The following TBX5 variants were observed in gnomAD, a reference collection of about 807,000 sequenced individuals.
The protein encoded by TBX5 is T-box transcription factor TBX5.
TBX5 carries 8 observed loss-of-function variants against 51.1 expected under a neutral mutation model. The observed-to-expected ratio is 0.16, with a 90% CI of 0.09 to 0.28. The LOEUF (loss-of-function observed/expected upper bound fraction) is 0.28, where lower values mean the gene tolerates loss of function less well. Ranked by LOEUF, TBX5 falls within the 10% of genes least tolerant of loss-of-function variation. TBX5 has a pLI of 1.00. For missense variants in TBX5, 589 were observed against 671.7 expected, an observed-to-expected ratio of 0.88 and a Z score of 1.36; for synonymous variants, 302 against 266.4, an observed-to-expected ratio of 1.13 and a Z score of -1.30.
chr12:114,406,961 A>G (rs1872270056), upstream of TBX5: 1 of 727,132 alleles, frequency 1.4e-6, no homozygotes, highest in Non-Finnish European at 1.7e-6. Context: ...GCTTGGAGTA[A>G]ATGTCAGGAG....
intron 7 of TBX5, among the ~76,000 whole-genome samples, chr12:114,372,079 A>G (rs542982706): frequency 1.3e-5 from 2 of 152,264 alleles, no homozygotes; most frequent in South Asian, 4.2e-4. Context: ...GCATGGAATA[A>G]CAGACATTGG....
At chr12:114,356,617 A>C (rs1042065957) in intron 8 of TBX5, among the ~76,000 whole-genome samples, 1 of 152,178 alleles carries the variant, frequency 6.6e-6, no homozygotes, top group Non-Finnish European at 1.5e-5. Context: ...CCAGCATGTA[A>C]ATTTCATAAA....
upstream of TBX5, among the ~76,000 whole-genome samples, chr12:114,407,438 G>C (rs528969021): frequency 3.7e-4 from 57 of 152,306 alleles, 1 homozygote; most frequent in South Asian, 6.8e-3. Context: ...CCAGTAGAGG[G>C]AAAGGGAAAT....
intron 8 of TBX5, among the ~76,000 whole-genome samples, chr12:114,358,800 TG>T (rs1869067564): frequency 6.6e-6 from 1 of 152,030 alleles, no homozygotes; most frequent in Non-Finnish European, 1.5e-5. Flanking sequence ...TTTGTTTGTT[TG>T]TTTGTTTGGA....
chr12:114,365,983 G>A (rs1461068232), intron 8 of TBX5, 182 bp downstream of exon 8: 3 of 738,892 alleles, frequency 4.1e-6, no homozygotes, highest in Non-Finnish European at 7.0e-6. Flanking sequence ...GTAGGAACAT[G>A]TCAAGGGAAC....
At position 114,405,728 on chromosome 12, in the gene TBX5, T is replaced by C; in HGVS notation, c.-139A>G. 3.0e-6 allele frequency: 3 copies of C among 985,598 alleles called. No homozygotes were observed. Among genetic ancestry groups the C allele is most frequent in the Non-Finnish European group, 3.6e-6 (3 of 830,082 alleles). 61.1% of individuals were successfully genotyped at this position (985,598 alleles called of 1,614,324 possible). ...GCAGGCATGGTGGCTCCGGGGTTTA[T>C]GCGGGGTTTACTGCTTACCCAGAAT... On this transcript the variant is annotated 5_prime_UTR_variant, in exon 1 of 9. Coordinates refer to ENST00000405440, the MANE Select transcript of TBX5 (RefSeq NM_181486.4).
At chr12:114,377,574 T>TA (rs1238245118) in intron 7 of TBX5, among the ~76,000 whole-genome samples, 2 of 148,758 alleles carry the variant, frequency 1.3e-5, no homozygotes, top group Non-Finnish European at 3.0e-5. Context: ...TTTTTTTTTT[T>TA]ATCTTTTTCT....
At chr12:114,367,795 T>C (rs565403846) in intron 7 of TBX5, among the ~76,000 whole-genome samples, 34 of 152,352 alleles carry the variant, frequency 2.2e-4, no homozygotes, top group African/African-American at 7.7e-4. Flanking sequence ...ATCTTGGGCA[T>C]GGCATTTACA....
intron 6 of TBX5, 120 bp downstream of exon 6, chr12:114,394,621 G>A: frequency 2.2e-6 from 3 of 1,354,480 alleles, no homozygotes; most frequent in Middle Eastern, 2.4e-4. Context: ...AGCACCCTGG[G>A]GTCGAAGTTG....
intron 7 of TBX5, 47 bp from the exon 8 acceptor site, chr12:114,366,438 A>G (rs757507401): frequency 6.3e-7 from 1 of 1,580,800 alleles, no homozygotes; most frequent in East Asian, 2.2e-5. Context: ...GCCCTGATAC[A>G]GATTTCCTGA....
At chr12:114,389,753 C>CAAAAAAAAAAA (rs55649814) in intron 6 of TBX5, among the ~76,000 whole-genome samples, 3 of 40,274 alleles carry the variant, frequency 7.4e-5, no homozygotes, top group African/African-American at 9.2e-5. Flanking sequence ...GACTCCGTCT[C>CAAAAAAAAAAA]AAAAAAAAAA....
chr12:114,385,598 G>GT (rs1870771024), intron 6 of TBX5, 31 bp from the exon 7 acceptor site: 1 of 1,578,514 alleles, frequency 6.3e-7, no homozygotes, highest in African/African-American at 1.3e-5. Context: ...GAACAAGCTG[G>GT]TTTTCACTTG....
intron 7 of TBX5, among the ~76,000 whole-genome samples, chr12:114,370,293 A>AAAAGAAAAGAAAAGAAAAG (rs1565929433): frequency 1.6e-5 from 2 of 128,802 alleles, no homozygotes; most frequent in Admixed American, 8.0e-5. Context: ...GAAAAGAAAG[A>AAAAGAAAAGAAAAGAAAAG]AAAGAAAAGA....
At position 114,366,295 on chromosome 12, in the gene TBX5, T is replaced by G. The variant is rs1383399132; in HGVS notation, c.852A>C (p.Ser284=). ...FSSESRALST[S]SNLGSQYQCE... ...ACTGGTATTGGGACCCCAAATTGGATGAGGTGGAGAGAGCTCGAGACTCGC... is the reference window on the plus strand; with the variant it reads ...ACTGGTATTGGGACCCCAAATTGGAGGAGGTGGAGAGAGCTCGAGACTCGC... Residue 284 remains serine, a synonymous_variant, in exon 8 of 9, where the codon TCA becomes TCC. Coordinates refer to ENST00000405440, the MANE Select transcript of TBX5 (RefSeq NM_181486.4). 6.2e-7 allele frequency: 1 copy of G among 1,613,860 alleles called. No individual in the cohort carries two copies. The highest frequency in any genetic ancestry group is 8.5e-7 in the Non-Finnish European group (1 of 1,180,000).
chr12:114,357,965 T>TACTCAATG (rs1869014623), intron 8 of TBX5, among the ~76,000 whole-genome samples: 1 of 152,216 alleles, frequency 6.6e-6, no homozygotes, highest in Non-Finnish European at 1.5e-5. Flanking sequence ...ATTTATTGAG[T>TACTCAATG]ACCTACTACA....
chr12:114,405,584 G>C (rs1410595164), intron 1 of TBX5, 44 bp downstream of exon 1: 4 of 540,302 alleles, frequency 7.4e-6, no homozygotes, highest in South Asian at 8.0e-5. Context: ...CTCGGCCGAC[G>C]AGCTCCCTCC....
intron 7 of TBX5, among the ~76,000 whole-genome samples, chr12:114,377,434 A>T (rs1468950098): frequency 6.6e-6 from 1 of 152,172 alleles, no homozygotes; most frequent in Non-Finnish European, 1.5e-5. Context: ...TCTGTTGCTC[A>T]GGCTGGAATG....
intron 4 of TBX5, 44 bp from the exon 5 acceptor site, chr12:114,398,764 G>C: frequency 6.3e-7 from 1 of 1,575,624 alleles, no homozygotes; most frequent in Non-Finnish European, 8.6e-7. Flanking sequence ...TCAGAGTCTG[G>C]AGGTAGCGCA....
At chr12:114,400,440 C>A (rs373847147) in intron 3 of TBX5, among the ~76,000 whole-genome samples, 1 of 152,228 alleles carries the variant, frequency 6.6e-6, no homozygotes, top group African/African-American at 2.4e-5. Flanking sequence ...TGCGCCCTGG[C>A]GCACTCCAAA....
Sources: allele counts gnomAD v4.1 joint callset (sites outside exome capture counted in the v4.1 genomes callset), GRCh38; gene constraint gnomAD v4.1.1; transcripts MANE v1.5; gene names NCBI Gene and HGNC (gene_info 2026-07-23, HGNC 2026-07-21).